The following PCM1 variants were observed in gnomAD, a reference collection of about 807,000 sequenced individuals.
PCM1 encodes pericentriolar material 1 protein.
Under a neutral mutation model 241.9 loss-of-function variants are expected in PCM1, and 157 were observed. The observed-to-expected ratio is 0.65, with a 90% CI of 0.57 to 0.74. PCM1 has a LOEUF of 0.74. Ranked by LOEUF, PCM1 falls within the 30% of genes least tolerant of loss-of-function variation. The pLI is 0.00. For synonymous variants in PCM1, 1,085 were observed against 784.9 expected (o/e 1.38, Z -6.39); for missense variants, 3,478 against 2,360.1 (o/e 1.47, Z -9.81).
intron 15 of PCM1, among the ~76,000 whole-genome samples, chr8:17,960,725 A>C (rs529683230): frequency 6.6e-6 from 1 of 151,668 alleles, no homozygotes; most frequent in African/African-American, 2.4e-5. Flanking sequence ...AGGGTTTCAC[A>C]GTGTTAGCCA....
chr8:18,005,079 C>T (rs952122350), intron 29 of PCM1, among the ~76,000 whole-genome samples: 3 of 152,098 alleles, frequency 2.0e-5, no homozygotes, highest in Admixed American at 6.5e-5. Flanking sequence ...CTCTTTTCTG[C>T]CTGGCTGAAA....
intron 17 of PCM1, among the ~76,000 whole-genome samples, chr8:17,964,023 T>G (rs2073783244): frequency 6.6e-6 from 1 of 152,236 alleles, no homozygotes; most frequent in Admixed American, 6.5e-5. Context: ...ACAGAGTTCT[T>G]CAGATAGTTT....
intron 9 of PCM1, 24 bp downstream of exon 9, chr8:17,953,210 A>G (rs781041514): frequency 2.0e-5 from 26 of 1,314,710 alleles, no homozygotes; most frequent in East Asian, 7.4e-5. Context: ...GTTCAGCAGT[A>G]TTGGGTATAA....
rs1225359952 is a variant in PCM1 at position 17,986,831 on chromosome 8, A to G, written c.4410+744A>G. On this transcript the variant is annotated intron_variant, in intron 26 of 38. Coordinates refer to ENST00000325083, the MANE Select transcript of PCM1 (RefSeq NM_006197.4). The stretch of plus-strand genomic sequence containing the variant: ...TGACAACTCTAGCACCTAGAGATAC[A>G]TGGGTAAGAGTTTCGTAGTTGATTA... Among the ~76,000 whole-genome samples, 6 of 151,954 alleles carry G rather than the reference A, an allele frequency of 3.9e-5. No individual in the cohort carries two copies. The East Asian group carries it at 1.2e-3, about 29-fold the overall frequency.
At position 17,951,116 on chromosome 8, in the gene PCM1, C is replaced by G. The variant is rs2065860818; in HGVS notation, c.1071+392C>G. Among the ~76,000 whole-genome samples, 3 of 152,220 alleles carry G rather than the reference C, an allele frequency of 2.0e-5. 1 individual carries two copies. In the South Asian group the frequency reaches 6.2e-4, roughly 32 times the overall value. On this transcript the variant is annotated intron_variant, in intron 8 of 38. Coordinates refer to ENST00000325083, the MANE Select transcript of PCM1 (RefSeq NM_006197.4). ...TCGACTAGATACATGGGATTCTATA[C>G]AGCCTTGGAATTCTCATTTGAAGGA... is the stretch of plus-strand genomic sequence containing the variant.
Position 17,957,694 on chromosome 8 carries a change from T to C in PCM1, c.1959T>C (p.Ala653=). The change falls in exon 13 of 39, where the codon GCT becomes GCC. Residue 653 remains alanine (A), a synonymous_variant. Transcript: ENST00000325083. The part of the protein sequence containing the change: ...SSLVDEHPED[A]EFEQKINRLM... ...TGGTTGATGAGCATCCAGAAGATGC[T>C]GAATTTGAACAGAAGATCAACCGAC... is the stretch of plus-strand genomic sequence containing the variant. 6.2e-7 allele frequency: 1 copy of C among 1,612,782 alleles called. No homozygotes were observed. The highest frequency in any genetic ancestry group is 8.5e-7 in the Non-Finnish European group (1 of 1,179,354).
rs745780753 is a variant in PCM1, at chr8:17,990,012, C to A, written c.4531+33C>A. The stretch of plus-strand genomic sequence containing the variant: ...GAATTGTTTATAATCTTAGAAACAA[C>A]TTTAAGTTGATCTGGTCCAGTCTTT... On this transcript the variant is annotated intron_variant, in intron 27 of 38. Coordinates refer to ENST00000325083, the MANE Select transcript of PCM1 (RefSeq NM_006197.4). 6 of 1,484,382 alleles carry A rather than the reference C, an allele frequency of 4.0e-6. No homozygotes were observed. In the African/African-American group the frequency reaches 8.5e-5, roughly 21 times the overall value. The allele number at this position is 1,484,382 out of a possible 1,614,324, so 92.0% of individuals were successfully genotyped here.
At chr8:18,014,899 A>ATTTTCAGATTAG (rs1393263027) in intron 36 of PCM1, 59 bp downstream of exon 36, 7 of 1,412,522 alleles carry the variant, frequency 5.0e-6, no homozygotes, top group Non-Finnish European at 6.7e-6. Flanking sequence ...ATATTTCTTC[A>ATTTTCAGATTAG]TTTTCAGATT....
In PCM1 at chr8:17,966,017, T is replaced by G; in HGVS notation, c.2874T>G (p.Pro958=). The change falls in exon 19 of 39, where the codon CCT becomes CCG. Residue 958 remains proline, a synonymous_variant. Transcript: ENST00000325083. The part of the protein sequence containing the change: ...ETKNRWKNNC[P]FSADENYRPL... ...GTGTTAGGTGGAAGAACAATTGCCC[T>G]TTTTCGGCAGATGAAAATTATCGTC... 2 of 1,609,452 alleles carry G rather than the reference T, an allele frequency of 1.2e-6. No homozygotes were observed. Among genetic ancestry groups the G allele is most frequent in the Non-Finnish European group, 8.5e-7 (1 of 1,177,152 alleles).
chr8:17,988,316 C>A (rs1330047441), intron 26 of PCM1, among the ~76,000 whole-genome samples: 2 of 151,692 alleles, frequency 1.3e-5, no homozygotes, highest in Admixed American at 6.6e-5. Context: ...TTAAAAAGAT[C>A]ATTAGTTAAG....
chr8:17,935,764 TC>T, intron 3 of PCM1, 58 bp downstream of exon 3: 1 of 822,576 alleles, frequency 1.2e-6, no homozygotes, highest in Non-Finnish European at 2.1e-6. Context: ...AATGCAGTTT[TC>T]CCCCTGACCA....
intron 22 of PCM1, among the ~76,000 whole-genome samples, chr8:17,971,277 T>G (rs898950485): frequency 4.6e-5 from 7 of 152,228 alleles, no homozygotes; most frequent in African/African-American, 9.6e-5. Flanking sequence ...TTGAGTTAAA[T>G]CCTGTAGGTC....
intron 29 of PCM1, among the ~76,000 whole-genome samples, chr8:17,994,748 T>A (rs1425121501): frequency 6.6e-6 from 1 of 151,806 alleles, no homozygotes; most frequent in Non-Finnish European, 1.5e-5. Context: ...AGAGGTGAGA[T>A]GATTTCTCGT....
intron 2 of PCM1, among the ~76,000 whole-genome samples, chr8:17,931,781 A>G (rs1324444734): frequency 6.6e-6 from 1 of 152,176 alleles, no homozygotes; most frequent in Non-Finnish European, 1.5e-5. Context: ...ATGTCAGTAT[A>G]TGTAGAATAC....
chr8:18,027,807 T>G lies in PCM1; in HGVS notation c.*145T>G. The G allele has an allele frequency of 2.1e-6, 1 of 477,598 alleles. No individual in the cohort carries two copies. The highest frequency in any genetic ancestry group is 3.7e-6 in the Non-Finnish European group (1 of 273,070). 29.6% of individuals were successfully genotyped at this position (477,598 alleles called of 1,614,324 possible). On this transcript the variant is annotated 3_prime_UTR_variant, in exon 39 of 39. Coordinates refer to ENST00000325083, the MANE Select transcript of PCM1 (RefSeq NM_006197.4). ...TAGGTGTGGTCATTTCTCCCCATGG[T>G]AGTTTAAAACATCAGAAACTGAATT...
chr8:17,955,733 T>A lies in PCM1; in HGVS notation c.1472+80T>A. On this transcript the variant is annotated intron_variant, in intron 10 of 38. Transcript: ENST00000325083. ...GTTTTTTTTTTTATGTTGAAAATTC[T>A]GCAAAACGAGATTTATTTAATATTG... is the stretch of plus-strand genomic sequence containing the variant. The A allele has an allele frequency of 4.7e-6, 5 of 1,062,296 alleles. 1 individual carries two copies. In the South Asian group the frequency reaches 6.8e-5, roughly 14 times the overall value. The allele number at this position is 1,062,296 out of a possible 1,614,324, so 65.8% of individuals were successfully genotyped here. A position where few individuals can be genotyped will look rare whatever the true frequency, so the allele number is the denominator to read the frequency against.
At chr8:17,956,483 T>G in intron 10 of PCM1, 121 bp from the exon 11 acceptor site, 1 of 637,040 alleles carries the variant, frequency 1.6e-6, no homozygotes. Flanking sequence ...GAGAGTTCAC[T>G]AGGTGGATAT....
intron 2 of PCM1, among the ~76,000 whole-genome samples, chr8:17,931,849 A>G (rs964913649): frequency 2.6e-5 from 4 of 152,106 alleles, no homozygotes; most frequent in South Asian, 2.1e-4. Context: ...ATATACTTCT[A>G]TGGGTATTAT....
chr8:17,936,358 AAT>A (rs1352986269), intron 3 of PCM1, among the ~76,000 whole-genome samples: 1 of 152,158 alleles, frequency 6.6e-6, no homozygotes, highest in East Asian at 1.9e-4. Context: ...AAATAAGGAA[AAT>A]ATCCCAAGTG....
Sources: allele counts gnomAD v4.1 joint callset (sites outside exome capture counted in the v4.1 genomes callset), GRCh38; gene constraint gnomAD v4.1.1; transcripts MANE v1.5; gene names NCBI Gene and HGNC (gene_info 2026-07-23, HGNC 2026-07-21).